Variants in IL23R observed in about 807,000 individuals in gnomAD.
The protein encoded by IL23R is interleukin-23 receptor.
A neutral mutation model predicts 56.9 loss-of-function variants in IL23R; 34 were observed. That is an observed-to-expected ratio of 0.60 (90% CI 0.45 to 0.80). The LOEUF (loss-of-function observed/expected upper bound fraction) is 0.80. IL23R is among the 30% of genes least tolerant of loss of function. The probability of loss-of-function intolerance (pLI) is 0.00; values close to 1 mark genes in which losing one functional copy is unlikely to be tolerated. For synonymous variants in IL23R, 230 were observed against 249.2 expected, an observed-to-expected ratio of 0.92 and a Z score of 0.73; for missense variants, 635 against 730.0, an observed-to-expected ratio of 0.87 and a Z score of 1.50.
intron 9 of IL23R, among the ~76,000 whole-genome samples, chr1:67,245,370 C>T (rs1652148514): frequency 6.6e-6 from 1 of 152,200 alleles, no homozygotes; most frequent in Non-Finnish European, 1.5e-5. Flanking sequence ...GGAGAGACAG[C>T]ATCCTTGTCT....
At chr1:67,189,518 G>A (rs1334871279) in intron 4 of IL23R, among the ~76,000 whole-genome samples, 1 of 152,146 alleles carries the variant, frequency 6.6e-6, no homozygotes, top group East Asian at 1.9e-4. Flanking sequence ...AGATATAAAA[G>A]GTTAGAATAA....
chr1:67,184,923 T>C (rs897495000), intron 4 of IL23R, among the ~76,000 whole-genome samples: 2 of 152,190 alleles, frequency 1.3e-5, no homozygotes, highest in African/African-American at 4.8e-5. Flanking sequence ...GATGGAATTA[T>C]TGCCCTTCCA....
upstream of IL23R, among the ~76,000 whole-genome samples, chr1:67,164,647 A>C (rs1458679089): frequency 6.7e-6 from 1 of 149,908 alleles, no homozygotes; most frequent in Non-Finnish European, 1.5e-5. Context: ...AAAATAAAAT[A>C]AAATAAAATA....
At chr1:67,183,176 C>T (rs6675039) in intron 4 of IL23R, among the ~76,000 whole-genome samples, 3,072 of 152,294 alleles carry the variant, frequency 0.02, 97 homozygotes, top group African/African-American at 0.07. Context: ...TCTTTCTGTC[C>T]TTTTTATTCA....
Position 67,206,962 on chromosome 1 carries a change from G to A in IL23R, c.705G>A (p.Val235=), listed in dbSNP as rs1399466841. The change falls in exon 6 of 11, where the codon GTG becomes GTA. Residue 235 remains valine (V), a synonymous_variant. Transcript: ENST00000347310. The part of the protein sequence containing the change: ...ISRAETINAT[V]PKTIIYWDSQ... ...GGGCTGAGACTATAAATGCTACAGT[G>A]CCCAAGACCATAATTTATTGGGATA... 6.3e-7 allele frequency: 1 copy of A among 1,589,556 alleles called. No homozygotes were observed. The highest frequency in any genetic ancestry group is 1.7e-5 in the Admixed American group (1 of 57,502).
At chr1:67,147,907 G>C (rs546147013) in intron 1 of IL23R, among the ~76,000 whole-genome samples, 75 of 152,260 alleles carry the variant, frequency 4.9e-4, no homozygotes, top group African/African-American at 1.7e-3. Context: ...CCAAGATGGG[G>C]TAAGCCGCTT....
intron 9 of IL23R, among the ~76,000 whole-genome samples, chr1:67,247,573 G>A (rs1182425165): frequency 6.6e-6 from 1 of 152,042 alleles, no homozygotes; most frequent in Non-Finnish European, 1.5e-5. Flanking sequence ...CAAAGTGCTG[G>A]GATTACAGGC....
At chr1:67,243,317 T>C (rs908778907) in intron 9 of IL23R, among the ~76,000 whole-genome samples, 1 of 151,878 alleles carries the variant, frequency 6.6e-6, no homozygotes, top group Non-Finnish European at 1.5e-5. Flanking sequence ...ATTTCTCTTT[T>C]TTTTTCTTAT....
chr1:67,198,830 G>A (rs184951548), intron 4 of IL23R, among the ~76,000 whole-genome samples: 11 of 152,142 alleles, frequency 7.2e-5, no homozygotes, highest in Admixed American at 2.0e-4. Flanking sequence ...CTGTGGTCCC[G>A]GCTACTCAGG....
chr1:67,259,246 T>C lies in IL23R; in HGVS notation c.*118T>C. Reference sequence around the variant, plus strand: ...AAAAAATGTATTCACATACAAATCTTCACATGGACACATGTTTTCATTTCC... The same window carrying C: ...AAAAAATGTATTCACATACAAATCTCCACATGGACACATGTTTTCATTTCC... On this transcript the variant is annotated 3_prime_UTR_variant, in exon 11 of 11. Coordinates refer to ENST00000347310, the MANE Select transcript of IL23R (RefSeq NM_144701.3). The C allele has an allele frequency of 2.1e-6, 2 of 955,310 alleles. No homozygotes were observed. Among genetic ancestry groups the C allele is most frequent in the Non-Finnish European group, 3.3e-6 (2 of 608,172 alleles). 59.2% of individuals were successfully genotyped at this position (955,310 alleles called of 1,614,324 possible). A position where few individuals can be genotyped will look rare whatever the true frequency, so the allele number is the denominator to read the frequency against.
chr1:67,177,416 C>T (rs920846614), intron 3 of IL23R, among the ~76,000 whole-genome samples: 1 of 152,100 alleles, frequency 6.6e-6, no homozygotes, highest in Non-Finnish European at 1.5e-5. Context: ...TAAATGTCTT[C>T]TTTTGAGAAG....
chr1:67,148,256 G>GA (rs1195190629), intron 1 of IL23R, among the ~76,000 whole-genome samples: 3 of 152,260 alleles, frequency 2.0e-5, no homozygotes, highest in African/African-American at 7.2e-5. Context: ...GACGGCGAGC[G>GA]AAAGCTCAGC....
At chr1:67,255,735 G>A (rs892664055) in intron 9 of IL23R, 102 bp from the exon 10 acceptor site, 20 of 667,578 alleles carry the variant, frequency 3.0e-5, no homozygotes, top group Admixed American at 2.9e-4. Flanking sequence ...CACTGTGCCC[G>A]ACCTAGGAAA....
At chr1:67,193,122 C>T (rs1238205866) in intron 4 of IL23R, among the ~76,000 whole-genome samples, 2 of 152,162 alleles carry the variant, frequency 1.3e-5, no homozygotes, top group Non-Finnish European at 2.9e-5. Context: ...TGCCTCAGGG[C>T]CTTTGCATGT....
intron 3 of IL23R, 124 bp downstream of exon 3, chr1:67,169,762 A>T: frequency 1.1e-6 from 1 of 934,138 alleles, no homozygotes; most frequent in Admixed American, 2.0e-5. Flanking sequence ...AGTTTCATAC[A>T]GGAGCTGCAA....
chr1:67,247,982 T>C (rs12041187), intron 9 of IL23R, among the ~76,000 whole-genome samples: 118,995 of 152,160 alleles, frequency 0.78, 47,439 homozygotes, highest in African/African-American at 0.92. Flanking sequence ...CTGAGACATC[T>C]GCTTTTAGTC....
intron 7 of IL23R, among the ~76,000 whole-genome samples, chr1:67,231,459 A>C (rs1310231471): frequency 1.3e-5 from 2 of 152,004 alleles, no homozygotes; most frequent in Admixed American, 1.3e-4. Flanking sequence ...TCATGACCTC[A>C]CTGCTTTTAT....
intron 7 of IL23R, among the ~76,000 whole-genome samples, chr1:67,224,740 A>G (rs1288345796): frequency 6.6e-6 from 1 of 152,218 alleles, no homozygotes. Flanking sequence ...AAGAAAATCA[A>G]TCCTCCAGAA....
intron 8 of IL23R, among the ~76,000 whole-genome samples, chr1:67,237,333 A>C (rs1651551389): frequency 6.6e-6 from 1 of 152,132 alleles, no homozygotes; most frequent in Non-Finnish European, 1.5e-5. Flanking sequence ...GAGCCACCGC[A>C]CCTGGCCACA....
Sources: allele counts gnomAD v4.1 joint callset (sites outside exome capture counted in the v4.1 genomes callset), GRCh38; gene constraint gnomAD v4.1.1; transcripts MANE v1.5; gene names NCBI Gene and HGNC (gene_info 2026-07-23, HGNC 2026-07-21).